Variants in ZCWPW2 observed in about 807,000 individuals in gnomAD.
ZCWPW2 encodes zinc finger CW-type PWWP domain protein 2.
Under a neutral mutation model 46.6 loss-of-function variants are expected in ZCWPW2, and 45 were observed. That is an observed-to-expected ratio of 0.96 (90% CI 0.76 to 1.24). The LOEUF (loss-of-function observed/expected upper bound fraction) is 1.24. Ranked by LOEUF, ZCWPW2 falls within the 50% of genes most tolerant of loss-of-function variation. The probability of loss-of-function intolerance (pLI) is 0.00; values close to 1 mark genes in which losing one functional copy is unlikely to be tolerated. For missense variants in ZCWPW2, 429 were observed against 403.9 expected (o/e 1.06, Z -0.53); for synonymous variants, 152 against 137.1 (o/e 1.11, Z -0.76).
intron 1 of ZCWPW2, among the ~76,000 whole-genome samples, chr3:28,365,407 G>T (rs370580975): frequency 7.1e-6 from 1 of 140,684 alleles, no homozygotes; most frequent in Admixed American, 7.6e-5. Flanking sequence ...ATAGGGAATC[G>T]TTTCCCCATT....
chr3:28,368,200 G>C (rs1705191437), intron 1 of ZCWPW2, among the ~76,000 whole-genome samples: 1 of 152,054 alleles, frequency 6.6e-6, no homozygotes, highest in Non-Finnish European at 1.5e-5. Flanking sequence ...GATGATAGCT[G>C]GTTATTTTGC....
At chr3:28,349,238 C>T (rs1409191566) in intron 1 of ZCWPW2, 35 bp downstream of exon 1, 2 of 981,470 alleles carry the variant, frequency 2.0e-6, no homozygotes, top group Non-Finnish European at 2.4e-6. Context: ...TCTGTTGGGC[C>T]GAGGTCCCCC....
In ZCWPW2 at chr3:28,433,753, C is replaced by T. The variant is rs540362655; in HGVS notation, c.333-1357C>T. 2.0e-4 allele frequency among the ~76,000 whole-genome samples: 28 copies of T among 140,476 alleles called. No homozygotes were observed. In the East Asian group the frequency reaches 5.4e-3, roughly 27 times the overall value. The allele number at this position is 140,476 out of a possible 152,430, so 92.2% of individuals were successfully genotyped here. A position where few individuals can be genotyped will look rare whatever the true frequency, so the allele number is the denominator to read the frequency against. The stretch of plus-strand genomic sequence containing the variant: ...CCTGGGTGACAGAGCAAGACTCCCT[C>T]TTAAAAAAAAAAAAAACAAAAAACA... On this transcript the variant is annotated intron_variant, in intron 3 of 9. Transcript: ENST00000383768.
At chr3:28,404,247 T>G (rs1052232201) in intron 2 of ZCWPW2, among the ~76,000 whole-genome samples, 1 of 149,216 alleles carries the variant, frequency 6.7e-6, no homozygotes, top group African/African-American at 2.4e-5. Context: ...TCAAAAGAGA[T>G]ATACAAATGA....
intron 1 of ZCWPW2, among the ~76,000 whole-genome samples, chr3:28,383,010 G>A (rs1456836053): frequency 2.6e-5 from 4 of 152,120 alleles, no homozygotes; most frequent in Non-Finnish European, 5.9e-5. Flanking sequence ...CCAAGGTTTT[G>A]ATCACTCAAC....
At chr3:28,407,883 C>T (rs558622179) in intron 2 of ZCWPW2, among the ~76,000 whole-genome samples, 1 of 152,274 alleles carries the variant, frequency 6.6e-6, no homozygotes, top group South Asian at 2.1e-4. Context: ...CCTTCAAAGG[C>T]TCTAGCATTC....
chr3:28,352,938 C>G (rs1577158970), intron 1 of ZCWPW2, among the ~76,000 whole-genome samples: 1 of 152,180 alleles, frequency 6.6e-6, no homozygotes, highest in Middle Eastern at 3.4e-3. Flanking sequence ...GATCCCAGCA[C>G]TTTGGGAGGC....
intron 4 of ZCWPW2, 54 bp downstream of exon 4, chr3:28,435,323 G>T: frequency 1.3e-6 from 2 of 1,517,928 alleles, no homozygotes; most frequent in Non-Finnish European, 1.8e-6. Flanking sequence ...TTTAGTTATG[G>T]TAATTTTTAT....
chr3:28,409,317 G>A (rs1194360852), intron 2 of ZCWPW2, among the ~76,000 whole-genome samples: 3 of 151,610 alleles, frequency 2.0e-5, no homozygotes, highest in East Asian at 1.9e-4. Context: ...GCTGGGTTTC[G>A]CTATGTTGAC....
chr3:28,520,912 T>G (rs529144904), intron 8 of ZCWPW2, 80 bp from the exon 9 acceptor site: 1 of 1,535,250 alleles, frequency 6.5e-7, no homozygotes, highest in East Asian at 2.3e-5. Context: ...AGATTTCTTC[T>G]TTCTGGGTAG....
chr3:28,518,172 C>T (rs77184371), intron 8 of ZCWPW2, among the ~76,000 whole-genome samples: 3,661 of 145,584 alleles, frequency 0.025, 174 homozygotes, highest in African/African-American at 0.086. Context: ...ATATGGACTT[C>T]GCTACTACAG....
intron 1 of ZCWPW2, among the ~76,000 whole-genome samples, chr3:28,376,608 C>A (rs1705507641): frequency 1.3e-5 from 2 of 152,112 alleles, no homozygotes; most frequent in Admixed American, 1.3e-4. Flanking sequence ...AGTGTTTTCA[C>A]TTCTCTTTGG....
intron 2 of ZCWPW2, among the ~76,000 whole-genome samples, chr3:28,403,446 A>G (rs1330655140): frequency 6.6e-6 from 1 of 152,216 alleles, no homozygotes; most frequent in African/African-American, 2.4e-5. Context: ...GGTAGAATCA[A>G]TATTGTGAAA....
chr3:28,518,205 CTTTT>C (rs71091004), intron 8 of ZCWPW2, among the ~76,000 whole-genome samples: 4 of 129,862 alleles, frequency 3.1e-5, no homozygotes, highest in African/African-American at 1.1e-4. Flanking sequence ...TCTTTCATTT[CTTTT>C]TTTTTTTTTT....
At chr3:28,362,946 C>T (rs891723040) in intron 1 of ZCWPW2, among the ~76,000 whole-genome samples, 3 of 151,368 alleles carry the variant, frequency 2.0e-5, no homozygotes, top group African/African-American at 7.3e-5. Flanking sequence ...TTATCCTTAG[C>T]AACTAACACA....
chr3:28,426,244 G>GT (rs1166360511), intron 3 of ZCWPW2, among the ~76,000 whole-genome samples: 2 of 151,582 alleles, frequency 1.3e-5, no homozygotes, highest in Non-Finnish European at 2.9e-5. Context: ...AAGCAGTCTT[G>GT]TTTTTTTAAA....
rs1698749174 is a variant in ZCWPW2, at chr3:28,464,464, CA to C, written c.493-14349del. On this transcript the variant is annotated intron_variant, in intron 4 of 9. Coordinates refer to ENST00000383768, the MANE Select transcript of ZCWPW2 (RefSeq NM_001040432.4). ...TGTTCCTCTCGAGGAAGTTGGCAAT[CA>C]GATGTTCCTAGTTGGGAGAGAAGAC... Among the ~76,000 whole-genome samples, 3 of 152,202 alleles carry C rather than the reference CA, an allele frequency of 2.0e-5. No individual in the cohort carries two copies. In the South Asian group the frequency reaches 6.2e-4, roughly 32 times the overall value.
intron 2 of ZCWPW2, among the ~76,000 whole-genome samples, chr3:28,411,211 A>G (rs761699444): frequency 1.3e-4 from 19 of 151,976 alleles, no homozygotes; most frequent in Non-Finnish European, 2.2e-4. Context: ...ATACAAATAT[A>G]GTTTATTATT....
At chr3:28,455,607 T>C (rs1024571324) in intron 4 of ZCWPW2, among the ~76,000 whole-genome samples, 3 of 152,162 alleles carry the variant, frequency 2.0e-5, no homozygotes, top group Non-Finnish European at 4.4e-5. Flanking sequence ...CCAGTGTTTT[T>C]ATAGTTTTGG....
Sources: allele counts gnomAD v4.1 joint callset (sites outside exome capture counted in the v4.1 genomes callset), GRCh38; gene constraint gnomAD v4.1.1; transcripts MANE v1.5; gene names NCBI Gene and HGNC (gene_info 2026-07-23, HGNC 2026-07-21).